The following MAGI1 variants were observed in gnomAD, a reference collection of about 807,000 sequenced individuals.
MAGI1 encodes membrane-associated guanylate kinase, WW and PDZ domain-containing protein 1.
In MAGI1, 58 loss-of-function variants were observed where a neutral mutation model predicts 139.9. The ratio of observed to expected loss-of-function variants is 0.41; its 90% CI spans 0.34 to 0.52. The LOEUF (loss-of-function observed/expected upper bound fraction) is 0.52, where lower values mean the gene tolerates loss of function less well. MAGI1 is among the 20% of genes least tolerant of loss of function. The pLI is 0.12. For missense variants in MAGI1, 1,874 were observed against 1,901.6 expected (o/e 0.99, Z 0.27); for synonymous variants, 812 against 737.9 (o/e 1.10, Z -1.63).
chr3:65,792,346 TC>T (rs1361303589), intron 1 of MAGI1, among the ~76,000 whole-genome samples: 1 of 151,916 alleles, frequency 6.6e-6, no homozygotes, highest in Non-Finnish European at 1.5e-5. Flanking sequence ...ACACCTGTAA[TC>T]CCAGCTACTC....
At chr3:65,464,897 T>G (rs1559578305) in intron 5 of MAGI1, among the ~76,000 whole-genome samples, 1 of 151,380 alleles carries the variant, frequency 6.6e-6, no homozygotes, top group East Asian at 1.9e-4. Flanking sequence ...TCTGTTTTTA[T>G]ATATCTACAG....
intron 1 of MAGI1, among the ~76,000 whole-genome samples, chr3:65,639,523 C>T (rs2084855262): frequency 1.3e-5 from 2 of 152,078 alleles, no homozygotes; most frequent in South Asian, 4.1e-4. Context: ...TTGACTGGGC[C>T]ACAGCATGTC....
At chr3:65,861,392 T>C (rs1276440187) in intron 1 of MAGI1, among the ~76,000 whole-genome samples, 1 of 152,216 alleles carries the variant, frequency 6.6e-6, no homozygotes, top group Admixed American at 6.5e-5. Context: ...GTTACCCTCT[T>C]GACTCTAAAG....
At chr3:65,799,893 GAGA>G (rs1311539799) in intron 1 of MAGI1, among the ~76,000 whole-genome samples, 21 of 152,178 alleles carry the variant, frequency 1.4e-4, no homozygotes, top group Admixed American at 2.6e-4. Context: ...TTCTTCAGCT[GAGA>G]AGATGTCTGG....
intron 1 of MAGI1, among the ~76,000 whole-genome samples, chr3:65,812,431 ATC>A (rs1379974869): frequency 7.6e-6 from 1 of 131,780 alleles, no homozygotes; most frequent in African/African-American, 2.9e-5. Context: ...ATTTTATAAA[ATC>A]TCTCTCTCTC....
In MAGI1 at chr3:65,788,831, G is replaced by C. The variant is rs1045280528; in HGVS notation, c.314-166743C>G. Among the ~76,000 whole-genome samples, 6 of 152,254 alleles carry C rather than the reference G, an allele frequency of 3.9e-5. No homozygotes were observed. The East Asian group carries it at 1.2e-3, about 29-fold the overall frequency. On this transcript the variant is annotated intron_variant, in intron 1 of 22. Transcript: ENST00000402939. ...AGTGAAAACACAAGGAAAATTTAGA[G>C]AAGTTTATTTATTCCCAAAGCCCCA...
chr3:65,450,200 G>C (rs1326061056), intron 6 of MAGI1, among the ~76,000 whole-genome samples: 1 of 152,178 alleles, frequency 6.6e-6, no homozygotes, highest in Non-Finnish European at 1.5e-5. Context: ...ACAGGGCTCA[G>C]AGTAGCAAGC....
intron 1 of MAGI1, among the ~76,000 whole-genome samples, chr3:65,795,630 G>A (rs938032537): frequency 3.3e-5 from 5 of 150,096 alleles, no homozygotes; most frequent in African/African-American, 9.8e-5. Context: ...AGAATAAGAA[G>A]TTTAACTTAA....
At chr3:65,878,035 G>A (rs556377579) in intron 1 of MAGI1, among the ~76,000 whole-genome samples, 3 of 151,990 alleles carry the variant, frequency 2.0e-5, no homozygotes, top group African/African-American at 7.2e-5. Flanking sequence ...CACCTGTGCC[G>A]AGGAGTTGGA....
chr3:66,006,085 T>C (rs886306184), intron 1 of MAGI1, among the ~76,000 whole-genome samples: 1 of 152,174 alleles, frequency 6.6e-6, no homozygotes, highest in African/African-American at 2.4e-5. Context: ...ATCACTGAAA[T>C]TTGTGACTTT....
rs145011501 is a variant in MAGI1 at position 65,487,538 on chromosome 3, C to A, written c.550+5974G>T. On this transcript the variant is annotated intron_variant, in intron 3 of 22. Transcript: ENST00000402939. ...AGCAAGCTCTCTCTGGATTTCAGTT[C>A]TATCATCTGAAGAAACTAACTTTAC... 6.9e-4 allele frequency among the ~76,000 whole-genome samples: 105 copies of A among 152,240 alleles called. 3 individuals are homozygous for A. In the East Asian group the frequency reaches 8.7e-3, roughly 13 times the overall value.
intron 1 of MAGI1, among the ~76,000 whole-genome samples, chr3:66,017,336 G>A (rs561896380): frequency 6.6e-5 from 10 of 152,332 alleles, no homozygotes; most frequent in African/African-American, 2.2e-4. Flanking sequence ...AGCCAGGCTC[G>A]CAGTGAAACC....
At chr3:65,370,973 T>G (rs1461487621) in intron 18 of MAGI1, among the ~76,000 whole-genome samples, 2 of 152,212 alleles carry the variant, frequency 1.3e-5, no homozygotes, top group African/African-American at 4.8e-5. Context: ...TTTATTAAAT[T>G]AAGTCAACAT....
In MAGI1 at chr3:65,418,450, T is replaced by A. The variant is rs534410266; in HGVS notation, c.2167+11070A>T. Among the ~76,000 whole-genome samples the A allele has an allele frequency of 7.2e-5, 11 of 152,290 alleles. 1 individual carries two copies. In the South Asian group the frequency reaches 2.3e-3, roughly 32 times the overall value. On this transcript the variant is annotated intron_variant, in intron 12 of 22. Transcript: ENST00000402939. ...CAAATAAATAGAAATTTCAATAGTT[T>A]GCTTTTAGAGGGAAAAAGAATGATC... is the stretch of plus-strand genomic sequence containing the variant.
chr3:65,686,326 G>A (rs1050350239), intron 1 of MAGI1, among the ~76,000 whole-genome samples: 2 of 151,938 alleles, frequency 1.3e-5, no homozygotes, highest in Non-Finnish European at 2.9e-5. Context: ...GCAGAGACTC[G>A]GTGTCACCAG....
chr3:65,593,404 G>A (rs973416662), intron 2 of MAGI1, among the ~76,000 whole-genome samples: 1 of 147,808 alleles, frequency 6.8e-6, no homozygotes, highest in Non-Finnish European at 1.5e-5. Context: ...TGAAGGATGG[G>A]GGGGAAAGGA....
intron 1 of MAGI1, among the ~76,000 whole-genome samples, chr3:65,734,217 G>A (rs1341682823): frequency 6.6e-6 from 1 of 152,102 alleles, no homozygotes; most frequent in Non-Finnish European, 1.5e-5. Flanking sequence ...CACCTTGGGA[G>A]GCTGAGGCAG....
intron 1 of MAGI1, among the ~76,000 whole-genome samples, chr3:65,875,984 A>G (rs1395283423): frequency 6.6e-6 from 1 of 152,154 alleles, no homozygotes; most frequent in Admixed American, 6.5e-5. Context: ...GAGGAAACCA[A>G]GCATTCGTTT....
chr3:65,824,112 T>C (rs2042094617), intron 1 of MAGI1, among the ~76,000 whole-genome samples: 1 of 152,214 alleles, frequency 6.6e-6, no homozygotes, highest in Admixed American at 6.5e-5. Flanking sequence ...TTTTTTTCCT[T>C]AGGAAAATTT....
Sources: allele counts gnomAD v4.1 joint callset (sites outside exome capture counted in the v4.1 genomes callset), GRCh38; gene constraint gnomAD v4.1.1; transcripts MANE v1.5; gene names NCBI Gene and HGNC (gene_info 2026-07-23, HGNC 2026-07-21).